TASOR2: variants seen among roughly 807,000 people sequenced by gnomAD.
TASOR2 encodes protein TASOR 2.
A neutral mutation model predicts 199.5 loss-of-function variants in TASOR2; 84 were observed. The ratio of observed to expected loss-of-function variants is 0.42; its 90% CI spans 0.35 to 0.50. The LOEUF is 0.50. Among genes scored for constraint, TASOR2 ranks in the 20% least tolerant of loss-of-function variants. The pLI, the probability that TASOR2 is intolerant of heterozygous loss-of-function variation, is 0.02. For synonymous variants in TASOR2, 1,103 were observed against 1,046.6 expected (o/e 1.05, Z -1.04); for missense variants, 2,796 against 2,835.9 (o/e 0.99, Z 0.32).
In TASOR2 at chr10:5,724,468, G is replaced by T; in HGVS notation, c.286G>T (p.Glu96Ter). 6.5e-7 allele frequency: 1 copy of T among 1,540,886 alleles called. No homozygotes were observed. Among genetic ancestry groups the T allele is most frequent in the South Asian group, 1.3e-5 (1 of 78,358 alleles). The change falls in exon 8 of 21, where the codon GAA becomes TAA. Residue 96 changes from glutamate (E) to a stop codon, truncating the protein, a stop_gained. Transcript: ENST00000328090. LOFTEE classifies it high-confidence loss of function. ...TTTGTGCTTCAATTTGTATGAGGTAGAACTGTCAAACAGACAAGGGGAAAA... is the reference window on the plus strand; with the variant it reads ...TTTGTGCTTCAATTTGTATGAGGTATAACTGTCAAACAGACAAGGGGAAAA...
intron 1 of TASOR2, among the ~76,000 whole-genome samples, chr10:5,697,091 G>A (rs7908235): frequency 0.37 from 55,884 of 151,984 alleles, 10,501 homozygotes; most frequent in East Asian, 0.48. Flanking sequence ...GACTTTCTAG[G>A]TTGAAAGGGC....
Position 5,731,133 on chromosome 10 carries a change from A to G in TASOR2, c.1134A>G (p.Ala378=), listed in dbSNP as rs1266082756. 29 of 1,612,412 alleles carry G rather than the reference A, an allele frequency of 1.8e-5. No individual in the cohort carries two copies. In the Admixed American group the frequency reaches 4.7e-4, roughly 26 times the overall value. Reference sequence around the variant, plus strand: ...TTCCCAAAAGAACTGCTTCCAGAGCAGACAACAGCTCGGACTCTCCAACAA... The same window carrying G: ...TTCCCAAAAGAACTGCTTCCAGAGCGGACAACAGCTCGGACTCTCCAACAA... Residue 378 remains alanine, a synonymous_variant, in exon 11 of 21, where the codon GCA becomes GCG. Coordinates refer to ENST00000328090, the Ensembl canonical transcript of TASOR2.
In TASOR2 at chr10:5,687,296, G is replaced by A. The variant is rs1835911690; in HGVS notation, c.-288+2121G>A. Among the ~76,000 whole-genome samples, 1 of 152,148 alleles carries A rather than the reference G, an allele frequency of 6.6e-6. No individual in the cohort carries two copies. The highest frequency in any genetic ancestry group is 2.4e-5 in the African/African-American group (1 of 41,414). Reference sequence around the variant, plus strand: ...CGTTACCCTGGCCATTATTAATTTTGTGTTAATTATTCCCTTGCCTTTTTA... The same window carrying A: ...CGTTACCCTGGCCATTATTAATTTTATGTTAATTATTCCCTTGCCTTTTTA... On this transcript the variant is annotated intron_variant, in intron 1 of 20. Coordinates refer to ENST00000328090, the Ensembl canonical transcript of TASOR2. This position sits in a 1 kb window ranked among gnomAD's most constrained non-coding sequence, Gnocchi z 4.8.
Position 5,720,331 on chromosome 10 carries a change from C to T in TASOR2, c.-99-213C>T, listed in dbSNP as rs141428549. On this transcript the variant is annotated intron_variant, in intron 3 of 20. Coordinates refer to ENST00000328090, the Ensembl canonical transcript of TASOR2. This position sits in a 1 kb window ranked among gnomAD's most constrained non-coding sequence, Gnocchi z 5.3. ...AGCCATCTTCTGGCTATGATTGCCA[C>T]GTGTCTGAAAATACTAACAAGGTTT... 1.7e-4 allele frequency: 169 copies of T among 985,270 alleles called. No individual in the cohort carries two copies. Among genetic ancestry groups the T allele is most frequent in the Non-Finnish European group, 1.9e-4 (155 of 829,828 alleles). The allele number at this position is 985,270 out of a possible 1,614,324, so 61.0% of individuals were successfully genotyped here.
At chr10:5,744,618 G>T (rs1175473148) in intron 14 of TASOR2, among the ~76,000 whole-genome samples, 3 of 151,814 alleles carry the variant, frequency 2.0e-5, no homozygotes, top group South Asian at 2.1e-4. Context: ...ATGGTTGGTT[G>T]GTTTGTTTGT....
chr10:5,720,554 A>G lies in TASOR2; in HGVS notation c.-89A>G. The stretch of plus-strand genomic sequence containing the variant: ...TTTTTCCTCTTTCAGTATTACTTTT[A>G]CGAACTTTCAGGCAACACCGTTATT... On this transcript the variant is annotated 5_prime_UTR_variant, in exon 4 of 21. Coordinates refer to ENST00000328090, the Ensembl canonical transcript of TASOR2. This position sits in a 1 kb window ranked among gnomAD's most constrained non-coding sequence, Gnocchi z 5.3. The G allele has an allele frequency of 1.9e-6, 3 of 1,601,430 alleles. No individual in the cohort carries two copies. Among genetic ancestry groups the G allele is most frequent in the Non-Finnish European group, 2.6e-6 (3 of 1,173,900 alleles).
Position 5,706,474 on chromosome 10 carries a change from A to G in TASOR2, c.-287-6349A>G, listed in dbSNP as rs1181022434. ...CACAAGCCCAGATTGAAGCTGGAAG[A>G]CATAGTGCTCCAGAAAGGTCCTTCC... On this transcript the variant is annotated intron_variant, in intron 1 of 20. Coordinates refer to ENST00000328090, the Ensembl canonical transcript of TASOR2. This position sits in a 1 kb window ranked among gnomAD's most constrained non-coding sequence, Gnocchi z 4.8. Among the ~76,000 whole-genome samples, 1 of 152,220 alleles carries G rather than the reference A, an allele frequency of 6.6e-6. No homozygotes were observed. Among genetic ancestry groups the G allele is most frequent in the African/African-American group, 2.4e-5 (1 of 41,448 alleles).
chr10:5,709,108 A>G (rs1280230311), intron 1 of TASOR2, among the ~76,000 whole-genome samples: 1 of 152,202 alleles, frequency 6.6e-6, no homozygotes, highest in Non-Finnish European at 1.5e-5. Flanking sequence ...CATAATAGTC[A>G]CCACTAATAG....
In TASOR2 at chr10:5,740,015, A is replaced by G. The variant is rs1836170098; in HGVS notation, c.1845A>G (p.Gln615=). Residue 615 remains glutamine, a synonymous_variant, in exon 13 of 21, where the codon CAA becomes CAG. Transcript: ENST00000328090. The surrounding 1 kb of genome is among the most constrained non-coding windows in gnomAD (Gnocchi z 5.3). Reference sequence around the variant, plus strand: ...CTGGATCAGACTTAACAGTTAGCCAAGATGAAGAAAGCTTGGTTCCTTGTA... The same window carrying G: ...CTGGATCAGACTTAACAGTTAGCCAGGATGAAGAAAGCTTGGTTCCTTGTA... 2 of 1,614,108 alleles carry G rather than the reference A, an allele frequency of 1.2e-6. No homozygotes were observed. Among genetic ancestry groups the G allele is most frequent in the Non-Finnish European group, 8.5e-7 (1 of 1,180,048 alleles).
chr10:5,761,365 T>G (rs1025992242), exon 19 of TASOR2: 2 of 1,614,062 alleles, frequency 1.2e-6, no homozygotes, highest in Non-Finnish European at 1.7e-6. Flanking sequence ...AATTGCTTCA[T>G]TATCACCAGT....
exon 13 of TASOR2, chr10:5,739,871 T>C: frequency 6.2e-7 from 1 of 1,614,222 alleles, no homozygotes; most frequent in Non-Finnish European, 8.5e-7. Context: ...CACAAAATGA[T>C]GTTTTGCTCT....
chr10:5,726,391 C>T (rs1044161461), intron 8 of TASOR2, among the ~76,000 whole-genome samples: 1 of 152,090 alleles, frequency 6.6e-6, no homozygotes, highest in African/African-American at 2.4e-5. Flanking sequence ...TGATTATTTT[C>T]TGTTATTTTC....
intron 1 of TASOR2, among the ~76,000 whole-genome samples, chr10:5,691,148 G>A (rs941504568): frequency 3.4e-5 from 5 of 148,482 alleles, no homozygotes; most frequent in African/African-American, 1.2e-4. Flanking sequence ...CCGAGATCAC[G>A]CCACTGCACT....
At position 5,740,244 on chromosome 10, in the gene TASOR2, G is replaced by A; in HGVS notation, c.2074G>A (p.Val692Met). Reference sequence around the variant, plus strand: ...AAAAAGCCCTGAAGCAGCAACCCCAGTGGGGAAAGTCATGCCATTTCGGCA... The same window carrying A: ...AAAAAGCCCTGAAGCAGCAACCCCAATGGGGAAAGTCATGCCATTTCGGCA... The change falls in exon 13 of 21, where the codon GTG (valine) becomes ATG (methionine). Residue 692 changes from valine to methionine, a missense_variant. Val to Met is a conservative substitution (Grantham distance 21). Around this residue, in one of 3 missense-constraint regions of TASOR2, gnomAD observed 847 missense variants for 887.4 expected, o/e 0.95. Transcript: ENST00000328090. This position sits in a 1 kb window ranked among gnomAD's most constrained non-coding sequence, Gnocchi z 5.3. 6.2e-7 allele frequency: 1 copy of A among 1,614,210 alleles called. No homozygotes were observed. Among genetic ancestry groups the A allele is most frequent in the South Asian group, 1.1e-5 (1 of 91,086 alleles).
intron 2 of TASOR2, 117 bp downstream of exon 2, chr10:5,713,035 T>C (rs1409855786): frequency 6.3e-6 from 3 of 478,584 alleles, no homozygotes; most frequent in African/African-American, 4.0e-5. Context: ...TTGCTTAGTT[T>C]GGTGGCATGT....
chr10:5,728,464 C>T (rs1359135102), intron 10 of TASOR2, among the ~76,000 whole-genome samples: 1 of 151,806 alleles, frequency 6.6e-6, no homozygotes, highest in Non-Finnish European at 1.5e-5. Flanking sequence ...GGTGAAACCC[C>T]GTCTCTACTA....
Position 5,749,195 on chromosome 10 carries a change from AC to A in TASOR2, c.5775del (p.Tyr1925Ter), listed in dbSNP as rs1564356242. 7 of 1,614,104 alleles carry A rather than the reference AC, an allele frequency of 4.3e-6. No individual in the cohort carries two copies. The highest frequency in any genetic ancestry group is 1.7e-5 in the Admixed American group (1 of 60,014). Reference sequence around the variant, plus strand: ...GATCTCCACGGGATCCTCAGGACTTACGCCAACTTCTCTATAACAAAAGAAC... The same window carrying A: ...GATCTCCACGGGATCCTCAGGACTTAGCCAACTTCTCTATAACAAAAGAAC... On this transcript the variant is annotated frameshift_variant, in exon 15 of 21. Transcript: ENST00000328090. LOFTEE classifies it high-confidence loss of function.
intron 1 of TASOR2, among the ~76,000 whole-genome samples, chr10:5,711,107 G>A (rs1831852072): frequency 6.6e-6 from 1 of 152,074 alleles, no homozygotes; most frequent in Admixed American, 6.5e-5. Context: ...TATAAATCAT[G>A]TATATCAACT....
At chr10:5,758,935 G>A in exon 18 of TASOR2, 1 of 1,614,140 alleles carries the variant, frequency 6.2e-7, no homozygotes, top group Non-Finnish European at 8.5e-7. Context: ...AATGGAAATG[G>A]AAGATGGAAG....
Sources: gnomAD v4.1 joint callset for allele counts (sites outside exome capture counted in the v4.1 genomes callset) on GRCh38, gnomAD v4.1.1 for gene constraint, gnomAD v4.1.1 regional missense constraint, Gnocchi (gnomAD v3.1) non-coding constraint, MANE v1.5 for transcripts, NCBI Gene and HGNC (gene_info 2026-07-23, HGNC 2026-07-21) for gene names.